The following KCNH1 variants were observed in gnomAD, a reference collection of about 807,000 sequenced individuals.
The protein encoded by KCNH1 is potassium voltage-gated channel subfamily H member 1, also known as voltage-gated delayed rectifier potassium channel KCNH1.
Under a neutral mutation model 69.2 loss-of-function variants are expected in KCNH1, and 27 were observed. The observed-to-expected ratio is 0.39, with a 90% CI of 0.29 to 0.54. The LOEUF is 0.54. Ranked by LOEUF, KCNH1 falls within the 20% of genes least tolerant of loss-of-function variation. The pLI, the probability that KCNH1 is intolerant of heterozygous loss-of-function variation, is 0.68. For missense variants in KCNH1, 798 were observed against 1,261.6 expected, an observed-to-expected ratio of 0.63 and a Z score of 5.57; for synonymous variants, 456 against 487.7, an observed-to-expected ratio of 0.93 and a Z score of 0.86.
At chr1:211,016,908 C>CA (rs550833970) in intron 6 of KCNH1, among the ~76,000 whole-genome samples, 36 of 90,720 alleles carry the variant, frequency 4.0e-4, no homozygotes, top group Non-Finnish European at 4.7e-4. Context: ...GACTCTGTCT[C>CA]AAAAAAAAAA....
intron 9 of KCNH1, among the ~76,000 whole-genome samples, chr1:210,792,208 A>C (rs1396506352): frequency 6.6e-6 from 1 of 151,606 alleles, no homozygotes; most frequent in Non-Finnish European, 1.5e-5. Context: ...CTCTCCTTCT[A>C]CTTCTTTATT....
chr1:210,899,855 G>C (rs1374511546), intron 7 of KCNH1, among the ~76,000 whole-genome samples: 1 of 152,192 alleles, frequency 6.6e-6, no homozygotes. Flanking sequence ...GCCTATGTCT[G>C]TCAAATGCTA....
At chr1:210,823,502 A>G (rs1053325444) in intron 7 of KCNH1, among the ~76,000 whole-genome samples, 7 of 152,186 alleles carry the variant, frequency 4.6e-5, no homozygotes, top group Non-Finnish European at 7.3e-5. Flanking sequence ...CTTACAGCAC[A>G]TGTTAATCCA....
chr1:210,926,570 C>T (rs1294204373), intron 6 of KCNH1, among the ~76,000 whole-genome samples: 1 of 152,106 alleles, frequency 6.6e-6, no homozygotes, highest in Non-Finnish European at 1.5e-5. Context: ...AACAATAGCC[C>T]TTGAATCCCA....
intron 6 of KCNH1, among the ~76,000 whole-genome samples, chr1:210,948,197 T>A: frequency 1.3e-5 from 2 of 149,558 alleles, no homozygotes; most frequent in African/African-American, 2.5e-5. Flanking sequence ...TAAGACCCTG[T>A]CTCTTTAAAA....
intron 1 of KCNH1, among the ~76,000 whole-genome samples, chr1:211,110,805 G>C (rs1268915755): frequency 6.6e-6 from 1 of 152,142 alleles, no homozygotes; most frequent in African/African-American, 2.4e-5. Context: ...TAGGGAGTAA[G>C]ATTAAGTGAG....
intron 1 of KCNH1, among the ~76,000 whole-genome samples, chr1:211,126,201 CA>C (rs58982353): frequency 0.74 from 112,872 of 151,552 alleles, 42,418 homozygotes; most frequent in African/African-American, 0.84. Flanking sequence ...CCCATCACTA[CA>C]AAAAAATACA....
At position 210,678,869 on chromosome 1, in the gene KCNH1, A is replaced by G. The variant is rs557656003; in HGVS notation, c.*4412T>C. The G allele has an allele frequency of 6.6e-6, 1 of 152,346 alleles. No homozygotes were observed. The highest frequency in any genetic ancestry group is 6.5e-5 in the Admixed American group (1 of 15,300). The allele number at this position is 152,346 out of a possible 1,614,324, so 9.4% of individuals were successfully genotyped here. A position where few individuals can be genotyped will look rare whatever the true frequency, so the allele number is the denominator to read the frequency against. Reference sequence around the variant, plus strand: ...TGACTCAGAAGTCACAGATAAAGGGACAGTGGCTGTAAGAAAAGTTTAATG... The same window carrying G: ...TGACTCAGAAGTCACAGATAAAGGGGCAGTGGCTGTAAGAAAAGTTTAATG... On this transcript the variant is annotated 3_prime_UTR_variant, in exon 11 of 11. Transcript: ENST00000271751.
chr1:210,882,810 C>T lies in KCNH1; in HGVS notation c.1462+36830G>A, dbSNP rs79236361. On this transcript the variant is annotated intron_variant, in intron 7 of 10. Transcript: ENST00000271751. ...TTTGGAAAGAAGAAATCGATGCTTGCATCTAAACTACATCCTAATTAGAAG... is the reference window on the plus strand; with the variant it reads ...TTTGGAAAGAAGAAATCGATGCTTGTATCTAAACTACATCCTAATTAGAAG... Among the ~76,000 whole-genome samples, 782 of 152,274 alleles carry T rather than the reference C, an allele frequency of 5.1e-3. 3 individuals are homozygous for T. Among genetic ancestry groups the T allele is most frequent in the Non-Finnish European group, 8.9e-3 (603 of 68,020 alleles).
chr1:210,684,163 A>G (rs1681353537), intron 10 of KCNH1, 25 bp from the exon 11 acceptor site: 1 of 1,492,284 alleles, frequency 6.7e-7, no homozygotes, highest in Non-Finnish European at 8.9e-7. Context: ...AGAGAGAATG[A>G]CATGGCGTGT....
In KCNH1 at chr1:210,731,711, G is replaced by A. The variant is rs552785375; in HGVS notation, c.2112+43637C>T. 2.6e-5 allele frequency among the ~76,000 whole-genome samples: 4 copies of A among 152,170 alleles called. No individual in the cohort carries two copies. The East Asian group carries it at 7.7e-4, about 29-fold the overall frequency. On this transcript the variant is annotated intron_variant, in intron 10 of 10. Transcript: ENST00000271751. The stretch of plus-strand genomic sequence containing the variant: ...TATATTGCTGTTCAAATACACAAAT[G>A]TCTTGGGGAGTCTCCGATAGAGTTC...
chr1:210,992,483 T>C (rs371777309), intron 6 of KCNH1, among the ~76,000 whole-genome samples: 2 of 152,182 alleles, frequency 1.3e-5, no homozygotes, highest in East Asian at 3.8e-4. Flanking sequence ...GCTGAATAAA[T>C]ACAGGGGTAA....
intron 9 of KCNH1, among the ~76,000 whole-genome samples, chr1:210,788,508 C>T (rs768196668): frequency 3.3e-5 from 5 of 152,096 alleles, no homozygotes; most frequent in African/African-American, 7.2e-5. Context: ...ACTTTCCTAG[C>T]TGCCAGTGTC....
intron 10 of KCNH1, among the ~76,000 whole-genome samples, chr1:210,722,694 A>G (rs183869015): frequency 8.5e-5 from 13 of 152,330 alleles, no homozygotes; most frequent in Non-Finnish European, 1.5e-5. Flanking sequence ...TCTATCCCCT[A>G]GCTTGGCACA....
At chr1:211,123,738 C>T (rs1691728457) in intron 1 of KCNH1, among the ~76,000 whole-genome samples, 1 of 151,934 alleles carries the variant, frequency 6.6e-6, no homozygotes, top group African/African-American at 2.4e-5. Context: ...GAGCCGAGAG[C>T]AAGAGACCAA....
Position 210,683,115 on chromosome 1 carries a change from A to G in KCNH1, c.*166T>C. The G allele has an allele frequency of 4.2e-6, 3 of 722,714 alleles. No individual in the cohort carries two copies. Among genetic ancestry groups the G allele is most frequent in the Non-Finnish European group, 4.7e-6 (2 of 428,370 alleles). The allele number at this position is 722,714 out of a possible 1,614,324, so 44.8% of individuals were successfully genotyped here. On this transcript the variant is annotated 3_prime_UTR_variant, in exon 11 of 11. Transcript: ENST00000271751. The surrounding 1 kb of genome is among the most constrained non-coding windows in gnomAD (Gnocchi z 5.7). ...GGTAGGGGCACGCTACCCTTCCCAT[A>G]TCTTTTTCCAGATAGAGAAAGAGCA...
chr1:210,987,253 T>G (rs1688858250), intron 6 of KCNH1, among the ~76,000 whole-genome samples: 1 of 152,216 alleles, frequency 6.6e-6, no homozygotes, highest in African/African-American at 2.4e-5. Flanking sequence ...TCGGAGTAGT[T>G]TGATCATCTG....
At chr1:211,058,211 A>G (rs1306183901) in intron 5 of KCNH1, among the ~76,000 whole-genome samples, 1 of 152,220 alleles carries the variant, frequency 6.6e-6, no homozygotes, top group Admixed American at 6.5e-5. Context: ...AAGAAACACT[A>G]AAGAGAGTCC....
intron 7 of KCNH1, among the ~76,000 whole-genome samples, chr1:210,841,973 C>T (rs112575476): frequency 0.024 from 3,686 of 152,198 alleles, 149 homozygotes; most frequent in African/African-American, 0.085. Context: ...TTTTAAGCGG[C>T]TATAACATGA....
Sources: gnomAD v4.1 joint callset for allele counts (sites outside exome capture counted in the v4.1 genomes callset) on GRCh38, gnomAD v4.1.1 for gene constraint, Gnocchi (gnomAD v3.1) non-coding constraint, MANE v1.5 for transcripts, NCBI Gene and HGNC (gene_info 2026-07-23, HGNC 2026-07-21) for gene names.